PTPRN2: variants seen among roughly 807,000 people sequenced by gnomAD.
PTPRN2 encodes protein tyrosine phosphatase receptor type N2.
PTPRN2 carries 74 observed loss-of-function variants against 118.8 expected under a neutral mutation model. That is an observed-to-expected ratio of 0.62 (90% CI 0.52 to 0.76). The LOEUF is 0.76. PTPRN2 is among the 30% of genes least tolerant of loss of function. The pLI is 0.00. For missense variants in PTPRN2, 1,481 were observed against 1,394.4 expected (o/e 1.06, Z -0.99); for synonymous variants, 641 against 608.0 (o/e 1.05, Z -0.80).
At chr7:158,514,655 C>T (rs1056177376) in intron 1 of PTPRN2, among the ~76,000 whole-genome samples, 18 of 152,180 alleles carry the variant, frequency 1.2e-4, no homozygotes, top group African/African-American at 4.3e-4. Context: ...AGAAGGATAC[C>T]TACTTTCCAA....
In PTPRN2 at chr7:157,929,155, G is replaced by A. The variant is rs1585033744; in HGVS notation, c.1724-30418C>T. Among the ~76,000 whole-genome samples, 1 of 152,260 alleles carries A rather than the reference G, an allele frequency of 6.6e-6. No homozygotes were observed. Among genetic ancestry groups the A allele is most frequent in the East Asian group, 1.9e-4 (1 of 5,170 alleles). On this transcript the variant is annotated intron_variant, in intron 11 of 22. Coordinates refer to ENST00000389418, the MANE Select transcript of PTPRN2 (RefSeq NM_002847.5). The surrounding 1 kb of genome is among the most constrained non-coding windows in gnomAD (Gnocchi z 4.4). Reference sequence around the variant, plus strand: ...ACCCTTGTGTTTCCCTGGCATATGTGTCAGCCAGCTGGTCAACACATGCTG... The same window carrying A: ...ACCCTTGTGTTTCCCTGGCATATGTATCAGCCAGCTGGTCAACACATGCTG...
intron 3 of PTPRN2, among the ~76,000 whole-genome samples, chr7:158,242,352 G>A (rs538980285): frequency 8.5e-5 from 13 of 152,320 alleles, no homozygotes; most frequent in Middle Eastern, 3.4e-3. Context: ...AATCAAAAGC[G>A]TGTCTGCAAA....
intron 12 of PTPRN2, among the ~76,000 whole-genome samples, chr7:157,811,815 G>A (rs1238322589): frequency 6.6e-6 from 1 of 152,108 alleles, no homozygotes; most frequent in Non-Finnish European, 1.5e-5. Flanking sequence ...TTTGCATAGG[G>A]TGCTTCTCTG....
intron 5 of PTPRN2, among the ~76,000 whole-genome samples, chr7:158,180,111 G>A (rs1824569499): frequency 6.6e-6 from 1 of 152,240 alleles, no homozygotes; most frequent in Non-Finnish European, 1.5e-5. Context: ...CCTGGGCAAA[G>A]CCAAGAACCC....
At position 158,324,383 on chromosome 7, in the gene PTPRN2, G is replaced by A. The variant is rs546422691; in HGVS notation, c.164-7451C>T. Among the ~76,000 whole-genome samples the A allele has an allele frequency of 9.6e-4, 146 of 152,320 alleles. 1 individual carries two copies. The highest frequency in any genetic ancestry group is 3.0e-3 in the African/African-American group (126 of 41,570). On this transcript the variant is annotated intron_variant, in intron 2 of 22. Transcript: ENST00000389418. The stretch of plus-strand genomic sequence containing the variant: ...TGTCTAAAAGAAAATGGAGATGTCC[G>A]TGGAAGTGTTTAAGACCATCAGCTA...
rs113828953 is a variant in PTPRN2 at position 157,598,457 on chromosome 7, G to A, written c.2419-3142C>T. Among the ~76,000 whole-genome samples, 1 of 151,124 alleles carries A rather than the reference G, an allele frequency of 6.6e-6. No individual in the cohort carries two copies. On this transcript the variant is annotated intron_variant, in intron 16 of 22. Coordinates refer to ENST00000389418, the MANE Select transcript of PTPRN2 (RefSeq NM_002847.5). The surrounding 1 kb of genome is among the most constrained non-coding windows in gnomAD (Gnocchi z 5.2). ...TCTCCGGGCCTCAGTCTCCATATCTGTATGGTGGGTGAGCTCAGGGAGTGA... is the reference window on the plus strand; with the variant it reads ...TCTCCGGGCCTCAGTCTCCATATCTATATGGTGGGTGAGCTCAGGGAGTGA...
intron 3 of PTPRN2, among the ~76,000 whole-genome samples, chr7:158,257,369 G>T (rs997720656): frequency 6.6e-6 from 1 of 152,184 alleles, no homozygotes; most frequent in Admixed American, 6.5e-5. Context: ...CCCAGATTTG[G>T]CTGATTCTTT....
chr7:158,451,298 T>C (rs866167616), intron 2 of PTPRN2, among the ~76,000 whole-genome samples: 30 of 152,230 alleles, frequency 2.0e-4, no homozygotes, highest in South Asian at 4.1e-4. Flanking sequence ...CTGTGGCTTG[T>C]CTTTTAATTA....
chr7:157,676,109 T>TTGTCACGAA lies in PTPRN2; in HGVS notation c.2001+6615_2001+6616insTTCGTGACA, dbSNP rs1796655006. Among the ~76,000 whole-genome samples, 1 of 151,942 alleles carries TTGTCACGAA rather than the reference T, an allele frequency of 6.6e-6. No homozygotes were observed. Among genetic ancestry groups the TTGTCACGAA allele is most frequent in the South Asian group, 2.1e-4 (1 of 4,808 alleles). ...TTGTCACGAACTCAAAGAGCTGACC[T>TTGTCACGAA]CTCTGGGCCGGCACACAACTTGCAG... On this transcript the variant is annotated intron_variant, in intron 13 of 22. Coordinates refer to ENST00000389418, the MANE Select transcript of PTPRN2 (RefSeq NM_002847.5). The surrounding 1 kb of genome is among the most constrained non-coding windows in gnomAD (Gnocchi z 5.6).
intron 12 of PTPRN2, chr7:157,865,016 C>A (rs1212570480): frequency 6.6e-6 from 1 of 152,346 alleles, no homozygotes; most frequent in Admixed American, 6.5e-5. Flanking sequence ...CCACATAGGC[C>A]CAAATCCAAG....
In PTPRN2 at chr7:158,089,553, A is replaced by T. The variant is rs138420044; in HGVS notation, c.1644-8176T>A. Among the ~76,000 whole-genome samples the T allele has an allele frequency of 3.3e-3, 356 of 107,450 alleles. 1 individual carries two copies. The highest frequency in any genetic ancestry group is 6.4e-3 in the African/African-American group (182 of 28,280). 70.5% of individuals were successfully genotyped at this position (107,450 alleles called of 152,430 possible). A position where few individuals can be genotyped will look rare whatever the true frequency, so the allele number is the denominator to read the frequency against. On this transcript the variant is annotated intron_variant, in intron 10 of 22. Transcript: ENST00000389418. ...TCCCCTGATGAAAGAGGGAGTCTTC[A>T]CACAAACCTTCTTCCCCTGATGAAA...
At chr7:158,411,843 G>T (rs1466455619) in intron 2 of PTPRN2, among the ~76,000 whole-genome samples, 1 of 152,156 alleles carries the variant, frequency 6.6e-6, no homozygotes, top group Admixed American at 6.5e-5. Flanking sequence ...TGGCTCAGGG[G>T]ACAATAGGCC....
At chr7:157,666,675 C>T (rs778997229) in intron 13 of PTPRN2, among the ~76,000 whole-genome samples, 17 of 152,178 alleles carry the variant, frequency 1.1e-4, no homozygotes, top group Admixed American at 7.2e-4. Flanking sequence ...CCAAAAGCTG[C>T]GTGTGTGTTT....
intron 1 of PTPRN2, among the ~76,000 whole-genome samples, chr7:158,556,018 G>T (rs1047458243): frequency 2.6e-5 from 4 of 152,130 alleles, no homozygotes; most frequent in African/African-American, 7.3e-5. Context: ...ACAGATGGTT[G>T]TCATAGATAG....
At chr7:157,613,627 C>A (rs928403338) in intron 15 of PTPRN2, among the ~76,000 whole-genome samples, 2 of 152,208 alleles carry the variant, frequency 1.3e-5, no homozygotes, top group African/African-American at 4.8e-5. Context: ...GCGTTCCTTC[C>A]CCGGTTCTCC....
At chr7:158,094,501 G>A (rs373667683) in intron 10 of PTPRN2, among the ~76,000 whole-genome samples, 30 of 151,936 alleles carry the variant, frequency 2.0e-4, no homozygotes, top group African/African-American at 5.6e-4. Flanking sequence ...TAGAGATGGC[G>A]TTTCACTATG....
intron 17 of PTPRN2, 146 bp from the exon 18 acceptor site, chr7:157,578,286 C>A: frequency 9.8e-7 from 1 of 1,017,454 alleles, no homozygotes; most frequent in African/African-American, 1.6e-5. Context: ...TACTCCGCAG[C>A]TGCCTGAGCA....
In PTPRN2 at chr7:157,808,741, C is replaced by T. The variant is rs578134853; in HGVS notation, c.1788+89932G>A. Reference sequence around the variant, plus strand: ...CCCCAACCTTGGTCCATGGAAAAACCGTCTTCCATGGAACAGGTCCCTGGT... The same window carrying T: ...CCCCAACCTTGGTCCATGGAAAAACTGTCTTCCATGGAACAGGTCCCTGGT... On this transcript the variant is annotated intron_variant, in intron 12 of 22. Transcript: ENST00000389418. The surrounding 1 kb of genome is among the most constrained non-coding windows in gnomAD (Gnocchi z 5.0). Among the ~76,000 whole-genome samples the T allele has an allele frequency of 2.6e-5, 4 of 152,266 alleles. No individual in the cohort carries two copies. The highest frequency in any genetic ancestry group is 4.8e-5 in the African/African-American group (2 of 41,564).
At chr7:158,372,112 T>C (rs1810043887) in intron 2 of PTPRN2, among the ~76,000 whole-genome samples, 1 of 152,130 alleles carries the variant, frequency 6.6e-6, no homozygotes, top group Admixed American at 6.5e-5. Context: ...AGAGGGAGGC[T>C]TGCCCCGAGC....
Sources: gnomAD v4.1 joint callset for allele counts (sites outside exome capture counted in the v4.1 genomes callset) on GRCh38, gnomAD v4.1.1 for gene constraint, Gnocchi (gnomAD v3.1) non-coding constraint, MANE v1.5 for transcripts, NCBI Gene and HGNC (gene_info 2026-07-23, HGNC 2026-07-21) for gene names.